Variants in SPAG16 observed in about 807,000 individuals in gnomAD.
The protein encoded by SPAG16 is sperm associated antigen 16.
A neutral mutation model predicts 80.4 loss-of-function variants in SPAG16; 86 were observed. That is an observed-to-expected ratio of 1.07 (90% CI 0.90 to 1.28). SPAG16 has a LOEUF of 1.28. Among genes scored for constraint, SPAG16 ranks in the 50% most tolerant of loss-of-function variants. The pLI, the probability that SPAG16 is intolerant of heterozygous loss-of-function variation, is 0.00. For missense variants in SPAG16, 870 were observed against 765.3 expected (o/e 1.14, Z -1.61); for synonymous variants, 294 against 265.9 (o/e 1.11, Z -1.03).
intron 15 of SPAG16, among the ~76,000 whole-genome samples, chr2:214,232,145 T>C (rs965441836): frequency 6.6e-6 from 1 of 151,990 alleles, no homozygotes; most frequent in African/African-American, 2.4e-5. Flanking sequence ...AAATACACTT[T>C]CTTATTCTTG....
At chr2:214,133,644 G>A (rs182445207) in intron 14 of SPAG16, among the ~76,000 whole-genome samples, 1 of 152,084 alleles carries the variant, frequency 6.6e-6, no homozygotes, top group Admixed American at 6.6e-5. Context: ...GTTACAGAGC[G>A]AGACTCCATC....
intron 15 of SPAG16, among the ~76,000 whole-genome samples, chr2:214,251,790 G>T (rs1690312273): frequency 6.6e-6 from 1 of 152,062 alleles, no homozygotes; most frequent in East Asian, 1.9e-4. Flanking sequence ...TTAGTTCAAG[G>T]TTAAATTATT....
At chr2:213,702,101 A>G (rs112401918) in intron 10 of SPAG16, among the ~76,000 whole-genome samples, 5,620 of 152,178 alleles carry the variant, frequency 0.037, 341 homozygotes, top group African/African-American at 0.13. Context: ...GAGGATTGTA[A>G]ATGCACCAAT....
At chr2:213,514,565 C>T (rs1158606566) in intron 10 of SPAG16, among the ~76,000 whole-genome samples, 3 of 151,488 alleles carry the variant, frequency 2.0e-5, no homozygotes, top group African/African-American at 7.3e-5. Flanking sequence ...GCGCTGCACC[C>T]ACTAACTCGT....
intron 10 of SPAG16, among the ~76,000 whole-genome samples, chr2:213,698,532 G>T (rs925336217): frequency 2.6e-5 from 4 of 152,210 alleles, no homozygotes; most frequent in Non-Finnish European, 5.9e-5. Flanking sequence ...AAAACTCTGA[G>T]ATCATAGGCG....
At chr2:213,521,253 C>G (rs1484771598) in intron 10 of SPAG16, among the ~76,000 whole-genome samples, 2 of 152,166 alleles carry the variant, frequency 1.3e-5, no homozygotes, top group Non-Finnish European at 2.9e-5. Flanking sequence ...GCTACTGGAA[C>G]CATGCTGATT....
intron 13 of SPAG16, among the ~76,000 whole-genome samples, chr2:214,099,342 C>T (rs1306688820): frequency 6.6e-6 from 1 of 152,050 alleles, no homozygotes; most frequent in African/African-American, 2.4e-5. Flanking sequence ...AATTGCTTTA[C>T]ATAAATTTCT....
At chr2:214,399,510 A>G (rs982350802) in intron 15 of SPAG16, among the ~76,000 whole-genome samples, 2 of 152,050 alleles carry the variant, frequency 1.3e-5, no homozygotes, top group East Asian at 1.9e-4. Flanking sequence ...AAACCTCCAC[A>G]TTCAAGAAAG....
At chr2:213,978,447 G>A (rs1234903628) in intron 12 of SPAG16, among the ~76,000 whole-genome samples, 1 of 152,032 alleles carries the variant, frequency 6.6e-6, no homozygotes, top group Non-Finnish European at 1.5e-5. Flanking sequence ...CAGTCTGTTC[G>A]AGGTTTTCCT....
chr2:214,262,787 GAAT>G (rs1410297199), intron 15 of SPAG16, among the ~76,000 whole-genome samples: 2 of 151,976 alleles, frequency 1.3e-5, no homozygotes, highest in Non-Finnish European at 2.9e-5. Flanking sequence ...AGTATCAAAG[GAAT>G]AATGACGCAT....
chr2:213,555,216 A>G (rs956155409), intron 10 of SPAG16, among the ~76,000 whole-genome samples: 2 of 152,198 alleles, frequency 1.3e-5, no homozygotes, highest in African/African-American at 4.8e-5. Flanking sequence ...CAACCTGCCA[A>G]CCAAAAATAA....
chr2:214,262,137 T>C (rs1412526191), intron 15 of SPAG16, among the ~76,000 whole-genome samples: 2 of 152,136 alleles, frequency 1.3e-5, no homozygotes, highest in Non-Finnish European at 2.9e-5. Context: ...CTTCTGTCAC[T>C]TTCCATGTTT....
At chr2:213,739,525 A>C (rs1327335481) in intron 10 of SPAG16, among the ~76,000 whole-genome samples, 2 of 152,250 alleles carry the variant, frequency 1.3e-5, no homozygotes, top group Non-Finnish European at 2.9e-5. Flanking sequence ...TTAGTGGAGC[A>C]TAGTTCAGCA....
chr2:213,911,838 A>G (rs1023309899), intron 11 of SPAG16, among the ~76,000 whole-genome samples: 4 of 148,472 alleles, frequency 2.7e-5, no homozygotes, highest in African/African-American at 1.0e-4. Flanking sequence ...CAGTTAGCAA[A>G]AAAAAAAAAA....
chr2:213,736,437 A>C (rs1170360428), intron 10 of SPAG16, among the ~76,000 whole-genome samples: 3 of 151,788 alleles, frequency 2.0e-5, no homozygotes, highest in African/African-American at 7.3e-5. Flanking sequence ...ACATGCACCC[A>C]CCACCACACC....
intron 10 of SPAG16, among the ~76,000 whole-genome samples, chr2:213,676,532 C>A (rs1368931454): frequency 2.0e-5 from 3 of 151,906 alleles, no homozygotes; most frequent in African/African-American, 7.3e-5. Flanking sequence ...TCATAGATAG[C>A]TCTTATTATT....
intron 9 of SPAG16, among the ~76,000 whole-genome samples, chr2:213,418,880 G>A (rs983608889): frequency 6.6e-6 from 1 of 152,040 alleles, no homozygotes; most frequent in Non-Finnish European, 1.5e-5. Context: ...CAGAATTCTG[G>A]GAGCATTGCT....
chr2:214,160,660 A>G (rs2056400672), intron 15 of SPAG16, among the ~76,000 whole-genome samples: 1 of 152,004 alleles, frequency 6.6e-6, no homozygotes, highest in African/African-American at 2.4e-5. Flanking sequence ...TCCTTGAAGA[A>G]CGTATATATA....
At chr2:213,382,519 C>CCA (rs1415385166) in intron 9 of SPAG16, among the ~76,000 whole-genome samples, 4 of 152,174 alleles carry the variant, frequency 2.6e-5, no homozygotes, top group African/African-American at 7.2e-5. Context: ...GTTTGAGCAC[C>CCA]ATTGGGTCTG....
Sources: allele counts gnomAD v4.1 joint callset (sites outside exome capture counted in the v4.1 genomes callset), GRCh38; gene constraint gnomAD v4.1.1; transcripts MANE v1.5; gene names NCBI Gene and HGNC (gene_info 2026-07-23, HGNC 2026-07-21).